The following PEAR1 variants were observed in gnomAD, a reference collection of about 807,000 sequenced individuals.
The protein encoded by PEAR1 is platelet endothelial aggregation receptor 1, also known as multiple EGF-like domains protein 12.
In PEAR1, 113 loss-of-function variants were observed where a neutral mutation model predicts 131.2. The ratio of observed to expected loss-of-function variants is 0.86; its 90% CI spans 0.74 to 1.01. The LOEUF (loss-of-function observed/expected upper bound fraction) is 1.01, where lower values mean the gene tolerates loss of function less well. Ranked by LOEUF, PEAR1 falls within the 50% of genes least tolerant of loss-of-function variation. PEAR1 has a pLI of 0.00. For missense variants in PEAR1, 1,408 were observed against 1,391.1 expected (o/e 1.01, Z -0.19); for synonymous variants, 565 against 523.3 (o/e 1.08, Z -1.09).
Position 156,905,307 on chromosome 1 carries a change from C to A in PEAR1, c.207-17C>A. 6.2e-7 allele frequency: 1 copy of A among 1,608,668 alleles called. No homozygotes were observed. The highest frequency in any genetic ancestry group is 8.5e-7 in the Non-Finnish European group (1 of 1,179,058). ...GACAGCAGGGAGGGCTGAGGGCCGC[C>A]TTCCTGGCCTCCGCAGGGTTGTATA... On this transcript the variant is annotated splice_polypyrimidine_tract_variant and intron_variant, in intron 3 of 22. Coordinates refer to ENST00000292357, the MANE Select transcript of PEAR1 (RefSeq NM_001080471.3).
At position 156,906,802 on chromosome 1, in the gene PEAR1, T is replaced by C. The variant is rs1570961525; in HGVS notation, c.566T>C (p.Phe189Ser). 1 of 1,614,190 alleles carries C rather than the reference T, an allele frequency of 6.2e-7. No homozygotes were observed. Among genetic ancestry groups the C allele is most frequent in the East Asian group, 2.2e-5 (1 of 44,882 alleles). Residue 189 changes from phenylalanine (F) to serine (S), a missense_variant, in exon 6 of 23, where the codon TTC becomes TCC. Transcript: ENST00000292357. ...TPGYYGPACQ[F>S]RCQCHGAPCD... The stretch of plus-strand genomic sequence containing the variant: ...GGCTACTATGGCCCTGCCTGCCAGT[T>C]CCGCTGCCAGTGCCATGGGGCACCC...
chr1:156,909,030 A>G lies in PEAR1; in HGVS notation c.1405A>G (p.Lys469Glu), dbSNP rs1187492680. Residue 469 changes from lysine (K) to glutamate (E), a missense_variant, in exon 11 of 23, where the codon AAG (lysine) becomes GAG (glutamate). Physicochemically the swap from Lys to Glu is moderately conservative, Grantham distance 56. Transcript: ENST00000292357. ...CSPIDGECVC[K>E]EGWQRGNCSV... ...ACCCATCGACGGCGAGTGCGTCTGC[A>G]AGGAAGGTAATAGGGTGGAGTTTCC... 4 of 1,614,016 alleles carry G rather than the reference A, an allele frequency of 2.5e-6. No homozygotes were observed. The highest frequency in any genetic ancestry group is 1.1e-5 in the South Asian group (1 of 91,076).
Position 156,908,917 on chromosome 1 carries a change from G to A in PEAR1, c.1292G>A (p.Gly431Asp), listed in dbSNP as rs1278414218. ...GLCQCAPGYTGPHCASLCPPD... is the reference protein window; with the variant it reads ...GLCQCAPGYTDPHCASLCPPD... ...TCTCACCCGCTCACCCTCTTTCAGG[G>A]CCCTCACTGTGCTAGTCTTTGTCCT... The change falls in exon 11 of 23, where the codon GGC (glycine) becomes GAC (aspartate). Residue 431 changes from glycine to aspartate, a missense_variant and splice_region_variant. Gly to Asp is a moderately conservative substitution (Grantham distance 94). Transcript: ENST00000292357. This position sits in a 1 kb window ranked among gnomAD's most constrained non-coding sequence, Gnocchi z 4.2. 1 of 1,613,142 alleles carries A rather than the reference G, an allele frequency of 6.2e-7. No individual in the cohort carries two copies. The highest frequency in any genetic ancestry group is 2.2e-5 in the East Asian group (1 of 44,878).
rs1272530368 is a variant in PEAR1 at position 156,908,602 on chromosome 1, T to G, written c.1116-53T>G. On this transcript the variant is annotated intron_variant, in intron 9 of 22. Coordinates refer to ENST00000292357, the MANE Select transcript of PEAR1 (RefSeq NM_001080471.3). The surrounding 1 kb of genome is among the most constrained non-coding windows in gnomAD (Gnocchi z 4.2). ...TGACCACGCGGAGGGGTCGGGAAGC[T>G]GCCCTGCCCCTGCCCAGCTCAGACC... 6.2e-6 allele frequency: 9 copies of G among 1,452,366 alleles called. No individual in the cohort carries two copies. The highest frequency in any genetic ancestry group is 8.2e-6 in the Non-Finnish European group (9 of 1,098,686). The allele number at this position is 1,452,366 out of a possible 1,614,324, so 90.0% of individuals were successfully genotyped here. A position where few individuals can be genotyped will look rare whatever the true frequency, so the allele number is the denominator to read the frequency against.
At chr1:156,913,100 A>G in intron 18 of PEAR1, 94 bp from the exon 19 acceptor site, 1 of 1,550,458 alleles carries the variant, frequency 6.4e-7, no homozygotes, top group Non-Finnish European at 8.9e-7. Flanking sequence ...AAGGGAGGTC[A>G]GGGAGGCCAA....
chr1:156,910,563 G>C (rs1168084662), intron 14 of PEAR1, 55 bp from the exon 15 acceptor site: 2 of 1,602,636 alleles, frequency 1.2e-6, no homozygotes, highest in African/African-American at 2.7e-5. Flanking sequence ...GGTGGGGTAA[G>C]GGCTGATTGA....
At chr1:156,911,049 C>CTTTCTTTCTTTCTTTCTTTT (rs1558143451) in intron 15 of PEAR1, among the ~76,000 whole-genome samples, 18 of 109,064 alleles carry the variant, frequency 1.7e-4, no homozygotes, top group African/African-American at 9.2e-4. Context: ...TTCTTTCTTT[C>CTTTCTTTCTTTCTTTCTTTT]TTTCTTTCTT....
intron 11 of PEAR1, 104 bp from the exon 12 acceptor site, chr1:156,909,647 C>A: frequency 7.5e-7 from 1 of 1,325,506 alleles, no homozygotes; most frequent in Non-Finnish European, 1.0e-6. Flanking sequence ...ACCCCCCACC[C>A]ACCCCAGCTC....
chr1:156,897,534 T>A (rs1005282062), intron 1 of PEAR1, among the ~76,000 whole-genome samples: 2 of 152,112 alleles, frequency 1.3e-5, no homozygotes, highest in African/African-American at 4.8e-5. Flanking sequence ...TGGCTGGGGT[T>A]TGGGGAGGTG....
intron 15 of PEAR1, among the ~76,000 whole-genome samples, chr1:156,911,101 T>TCTTTCTTTCCTTC (rs1308794339): frequency 8.9e-5 from 12 of 135,200 alleles, no homozygotes; most frequent in Non-Finnish European, 1.7e-4. Context: ...TTCCTTTCTT[T>TCTTTCTTTCCTTC]CTTTCTTTTC....
In PEAR1 at chr1:156,908,525, A is replaced by T; in HGVS notation, c.1116-130A>T. 8.3e-7 allele frequency: 1 copy of T among 1,202,374 alleles called. No homozygotes were observed. Among genetic ancestry groups the T allele is most frequent in the Non-Finnish European group, 1.1e-6 (1 of 887,068 alleles). The allele number at this position is 1,202,374 out of a possible 1,614,324, so 74.5% of individuals were successfully genotyped here. ...CTTGCCCCAACCCAGTTTTCAGAAT[A>T]GCGCGGAGCCTCCCTAGTGACCCCC... is the stretch of plus-strand genomic sequence containing the variant. On this transcript the variant is annotated intron_variant, in intron 9 of 22. Coordinates refer to ENST00000292357, the MANE Select transcript of PEAR1 (RefSeq NM_001080471.3). This position sits in a 1 kb window ranked among gnomAD's most constrained non-coding sequence, Gnocchi z 4.2.
rs538219991 is a variant in PEAR1, at chr1:156,902,802, G to A, written c.-9-1116G>A. Among the ~76,000 whole-genome samples, 2 of 152,152 alleles carry A rather than the reference G, an allele frequency of 1.3e-5. No homozygotes were observed. Among genetic ancestry groups the A allele is most frequent in the South Asian group, 2.1e-4 (1 of 4,830 alleles). On this transcript the variant is annotated intron_variant, in intron 1 of 22. Transcript: ENST00000292357. The surrounding 1 kb of genome is among the most constrained non-coding windows in gnomAD (Gnocchi z 4.3). ...AGCCGGCTGCGGGGATGGGCACTGC[G>A]GTAACTCATCCTCTCCTGAGCTCAG...
chr1:156,907,752 GGC>G, intron 7 of PEAR1, 22 bp downstream of exon 7: 1 of 1,597,322 alleles, frequency 6.3e-7, no homozygotes. Context: ...GGGGCCTGTG[GGC>G]ATGGGGTGTG....
chr1:156,909,890 G>T lies in PEAR1; in HGVS notation c.1551G>T (p.Gly517=), dbSNP rs779847126. 3.7e-6 allele frequency: 6 copies of T among 1,608,884 alleles called. No homozygotes were observed. Among genetic ancestry groups the T allele is most frequent in the Non-Finnish European group, 8.5e-7 (1 of 1,176,336 alleles). The change falls in exon 12 of 23, where the codon GGG becomes GGT. Residue 517 remains glycine, a synonymous_variant. Transcript: ENST00000292357. ...GACTCTPGWH[G]AHCQLPCPKG... ...GTACCTGCACCCCTGGGTGGCATGG[G>T]GCCCACTGCCAGCTGCCCTGTCCGG...
intron 5 of PEAR1, 31 bp downstream of exon 5, chr1:156,906,399 T>C: frequency 6.2e-7 from 1 of 1,609,642 alleles, no homozygotes; most frequent in Non-Finnish European, 8.5e-7. Flanking sequence ...GGGAGTGGCC[T>C]CTTGTGCCTT....
Position 156,908,239 on chromosome 1 carries a change from C to T in PEAR1, c.1014C>T (p.His338=). Residue 338 remains histidine, a synonymous_variant, in exon 9 of 23, where the codon CAC becomes CAT. Transcript: ENST00000292357. This position sits in a 1 kb window ranked among gnomAD's most constrained non-coding sequence, Gnocchi z 4.2. ...CCAACGGCGCATGTCTGTGCGAACA[C>T]GGCTTCACTGGGGACCGCTGCACGG... ...FPANGACLCE[H]GFTGDRCTDR... 6.2e-7 allele frequency: 1 copy of T among 1,600,418 alleles called. No individual in the cohort carries two copies.
At chr1:156,913,050 C>T in intron 18 of PEAR1, 68 bp downstream of exon 18, 1 of 1,591,226 alleles carries the variant, frequency 6.3e-7, no homozygotes, top group African/African-American at 1.3e-5. Flanking sequence ...GGATGCTGGG[C>T]ATGACCCAAA....
chr1:156,914,257 C>T (rs1441784088), intron 22 of PEAR1, among the ~76,000 whole-genome samples, 157 bp downstream of exon 22: 3 of 152,172 alleles, frequency 2.0e-5, no homozygotes, highest in African/African-American at 4.8e-5. Context: ...GACGGGGAGG[C>T]GACGTGGCCT....
At chr1:156,899,043 C>G (rs1374199531) in intron 1 of PEAR1, among the ~76,000 whole-genome samples, 1 of 152,192 alleles carries the variant, frequency 6.6e-6, no homozygotes, top group Non-Finnish European at 1.5e-5. Context: ...GGAGCAGGCT[C>G]TAGTCTGAGG....
Sources: allele counts gnomAD v4.1 joint callset (sites outside exome capture counted in the v4.1 genomes callset), GRCh38; gene constraint gnomAD v4.1.1; non-coding constraint Gnocchi (gnomAD v3.1); transcripts MANE v1.5; gene names NCBI Gene and HGNC (gene_info 2026-07-23, HGNC 2026-07-21).